The following ARID1B variants were observed in gnomAD, a reference collection of about 807,000 sequenced individuals.
ARID1B encodes the protein AT-rich interaction domain 1B.
A neutral mutation model predicts 212.3 loss-of-function variants in ARID1B; 30 were observed. The observed-to-expected ratio is 0.14, with a 90% CI of 0.11 to 0.19. The LOEUF is 0.19. Ranked by LOEUF, ARID1B falls within the 10% of genes least tolerant of loss-of-function variation. The probability of loss-of-function intolerance (pLI) is 1.00; values close to 1 mark genes in which losing one functional copy is unlikely to be tolerated. For synonymous variants in ARID1B, 1,402 were observed against 1,301.7 expected (o/e 1.08, Z -1.66); for missense variants, 2,891 against 3,204.0 (o/e 0.90, Z 2.36).
chr6:157,030,556 A>G (rs1472920115), intron 4 of ARID1B, among the ~76,000 whole-genome samples: 1 of 152,174 alleles, frequency 6.6e-6, no homozygotes, highest in Non-Finnish European at 1.5e-5. Flanking sequence ...TGCTTTGTAA[A>G]TCCTCTGTGG....
chr6:157,146,787 A>G (rs1049466238), intron 7 of ARID1B, among the ~76,000 whole-genome samples: 13 of 152,316 alleles, frequency 8.5e-5, no homozygotes, highest in Middle Eastern at 3.4e-3. Flanking sequence ...GGATGGAGAA[A>G]GGCTTCCAAA....
intron 7 of ARID1B, chr6:157,140,955 A>C (rs947909931): frequency 3.2e-6 from 1 of 309,676 alleles, no homozygotes; most frequent in Non-Finnish European, 5.9e-6. Context: ...CCAGGACATA[A>C]GCTCTTGTCT....
chr6:157,034,114 G>A lies in ARID1B; in HGVS notation c.2248-50548G>A, dbSNP rs1474128449. Among the ~76,000 whole-genome samples, 3 of 152,118 alleles carry A rather than the reference G, an allele frequency of 2.0e-5. No homozygotes were observed. The East Asian group carries it at 5.8e-4, about 29-fold the overall frequency. Reference sequence around the variant, plus strand: ...AGTCTCCCCACATCAAAGTTAAAAAGAAAAATAACACAATGAATAATCTTA... The same window carrying A: ...AGTCTCCCCACATCAAAGTTAAAAAAAAAAATAACACAATGAATAATCTTA... On this transcript the variant is annotated intron_variant, in intron 4 of 19. Coordinates refer to ENST00000636930, the MANE Select transcript of ARID1B (RefSeq NM_001374828.1).
chr6:157,018,584 T>A (rs575296119), intron 4 of ARID1B, among the ~76,000 whole-genome samples: 1 of 152,338 alleles, frequency 6.6e-6, no homozygotes, highest in South Asian at 2.1e-4. Flanking sequence ...CCCATCTACA[T>A]GTGAGACCTT....
intron 3 of ARID1B, among the ~76,000 whole-genome samples, chr6:156,907,762 G>T (rs1226578631): frequency 6.7e-6 from 1 of 149,908 alleles, no homozygotes. Context: ...AAAAAAATTA[G>T]CCAGGCATGT....
In ARID1B at chr6:157,210,321, G is replaced by A. The variant is rs1392709925; in HGVS notation, c.*2430G>A. 4.3e-6 allele frequency: 1 copy of A among 230,496 alleles called. No individual in the cohort carries two copies. Among genetic ancestry groups the A allele is most frequent in the Non-Finnish European group, 8.6e-6 (1 of 116,492 alleles). The allele number at this position is 230,496 out of a possible 1,614,324, so 14.3% of individuals were successfully genotyped here. A position where few individuals can be genotyped will look rare whatever the true frequency, so the allele number is the denominator to read the frequency against. ...ATATTATTCTAATTTCTCTCTTACA[G>A]AGTACAAATAAAAGGTGTATACAAA... On this transcript the variant is annotated 3_prime_UTR_variant, in exon 20 of 20. Coordinates refer to ENST00000636930, the MANE Select transcript of ARID1B (RefSeq NM_001374828.1).
At chr6:156,824,673 G>A (rs921038358) in intron 1 of ARID1B, among the ~76,000 whole-genome samples, 1 of 152,132 alleles carries the variant, frequency 6.6e-6, no homozygotes, top group Non-Finnish European at 1.5e-5. Flanking sequence ...GCTGAGACAT[G>A]AGAATCACTT....
intron 5 of ARID1B, among the ~76,000 whole-genome samples, chr6:157,085,221 C>T (rs528435623): frequency 6.6e-6 from 1 of 152,310 alleles, no homozygotes; most frequent in South Asian, 2.1e-4. Flanking sequence ...ATCAGAGCTT[C>T]TGTTGATGAG....
intron 7 of ARID1B, chr6:157,140,831 A>AC: frequency 5.1e-6 from 2 of 395,162 alleles, no homozygotes; most frequent in Non-Finnish European, 8.9e-6. Flanking sequence ...GCGGCCTTCC[A>AC]CATGGCTCCC....
intron 4 of ARID1B, among the ~76,000 whole-genome samples, chr6:156,947,513 AT>A (rs1348799732): frequency 3.3e-5 from 5 of 151,996 alleles, no homozygotes; most frequent in East Asian, 3.9e-4. Context: ...TTTGAAAGAT[AT>A]CCCCTTTTAT....
intron 4 of ARID1B, among the ~76,000 whole-genome samples, chr6:156,954,076 C>T (rs1031819771): frequency 1.3e-5 from 2 of 152,038 alleles, no homozygotes; most frequent in Non-Finnish European, 2.9e-5. Context: ...TTTTCAAACA[C>T]GCAGTCAGAT....
intron 1 of ARID1B, among the ~76,000 whole-genome samples, chr6:156,813,072 A>G (rs1162660848): frequency 2.1e-5 from 2 of 95,066 alleles, no homozygotes; most frequent in Admixed American, 2.6e-4. Flanking sequence ...ATATATATAT[A>G]CACACATACG....
At chr6:157,062,822 G>T (rs1299813874) in intron 4 of ARID1B, among the ~76,000 whole-genome samples, 1 of 151,198 alleles carries the variant, frequency 6.6e-6, no homozygotes. Flanking sequence ...TCCTGCCTCA[G>T]CCTCCCGAGC....
chr6:156,904,897 A>T (rs62434278), intron 3 of ARID1B, among the ~76,000 whole-genome samples: 2 of 152,192 alleles, frequency 1.3e-5, no homozygotes, highest in African/African-American at 2.4e-5. Flanking sequence ...TTTCATGTTT[A>T]GTCTTGGGTT....
intron 4 of ARID1B, among the ~76,000 whole-genome samples, chr6:156,993,664 A>G (rs1057161938): frequency 2.0e-5 from 3 of 152,206 alleles, no homozygotes; most frequent in Non-Finnish European, 4.4e-5. Context: ...CCAACTTTCA[A>G]AATTTTTTGA....
intron 4 of ARID1B, among the ~76,000 whole-genome samples, chr6:156,959,599 G>T (rs1443726624): frequency 6.6e-6 from 1 of 152,036 alleles, no homozygotes; most frequent in Non-Finnish European, 1.5e-5. Flanking sequence ...GATCAGGAGG[G>T]TTGTAGTGTT....
intron 5 of ARID1B, among the ~76,000 whole-genome samples, chr6:157,106,115 G>A (rs777650499): frequency 1.4e-4 from 21 of 152,016 alleles, no homozygotes; most frequent in Admixed American, 2.0e-4. Flanking sequence ...CAAAAGACTG[G>A]AAACTGTCTA....
At chr6:156,949,709 T>TC (rs1234174463) in intron 4 of ARID1B, among the ~76,000 whole-genome samples, 1 of 152,256 alleles carries the variant, frequency 6.6e-6, no homozygotes, top group Non-Finnish European at 1.5e-5. Context: ...TTCTTCTGCA[T>TC]CCATTTTATT....
intron 4 of ARID1B, 116 bp downstream of exon 4, chr6:156,935,692 C>G: frequency 1.0e-6 from 1 of 960,600 alleles, no homozygotes; most frequent in Non-Finnish European, 1.5e-6. Flanking sequence ...TTCTAGACTT[C>G]AGGTTTATTT....
Sources: gnomAD v4.1 joint callset for allele counts (sites outside exome capture counted in the v4.1 genomes callset) on GRCh38, gnomAD v4.1.1 for gene constraint, MANE v1.5 for transcripts, NCBI Gene and HGNC (gene_info 2026-07-23, HGNC 2026-07-21) for gene names.